The following MYO10 variants were observed in gnomAD, a reference collection of about 807,000 sequenced individuals.
The protein encoded by MYO10 is unconventional myosin-X.
In MYO10, 133 loss-of-function variants were observed where a neutral mutation model predicts 257.3. The ratio of observed to expected loss-of-function variants is 0.52; its 90% CI spans 0.45 to 0.60. The LOEUF is 0.60. Among genes scored for constraint, MYO10 ranks in the 20% least tolerant of loss-of-function variants. MYO10 has a pLI of 0.00. For synonymous variants in MYO10, 1,104 were observed against 1,028.6 expected, an observed-to-expected ratio of 1.07 and a Z score of -1.40; for missense variants, 2,399 against 2,635.7, an observed-to-expected ratio of 0.91 and a Z score of 1.97.
At chr5:16,778,404 A>G (rs901453974) in intron 9 of MYO10, among the ~76,000 whole-genome samples, 1 of 152,170 alleles carries the variant, frequency 6.6e-6, no homozygotes, top group African/African-American at 2.4e-5. Context: ...AACATGAGAC[A>G]GCCAAATGCT....
chr5:16,694,335 C>G (rs376574175), intron 27 of MYO10, 36 bp downstream of exon 27: 2 of 1,612,096 alleles, frequency 1.2e-6, no homozygotes, highest in African/African-American at 2.7e-5. Context: ...AAACCATGAG[C>G]AACCCATCGG....
At chr5:16,794,500 G>A in intron 4 of MYO10, 146 bp downstream of exon 4, 1 of 666,950 alleles carries the variant, frequency 1.5e-6, no homozygotes, top group Non-Finnish European at 2.3e-6. Context: ...AAGTTACCAT[G>A]CCATTCAAAA....
intron 3 of MYO10, among the ~76,000 whole-genome samples, chr5:16,804,148 A>AGCCTCATC (rs528988706): frequency 7.9e-4 from 121 of 152,280 alleles, no homozygotes; most frequent in African/African-American, 2.9e-3. Context: ...GGGCTCTGTC[A>AGCCTCATC]GCCTCATCAC....
intron 1 of MYO10, chr5:16,916,366 G>A (rs2126796394): frequency 7.2e-6 from 1 of 138,978 alleles, no homozygotes; most frequent in South Asian, 1.9e-4. Flanking sequence ...CCTCTAGAAA[G>A]ATGGCTCATT....
chr5:16,788,750 C>T (rs985831854), intron 4 of MYO10, among the ~76,000 whole-genome samples: 1 of 151,788 alleles, frequency 6.6e-6, no homozygotes, highest in African/African-American at 2.4e-5. Flanking sequence ...CCGTGGAGAG[C>T]CAGGAAGAAA....
Position 16,711,183 on chromosome 5 carries a change from C to T in MYO10, c.1992G>A (p.Glu664=), listed in dbSNP as rs1160254067. The change falls in exon 20 of 41, where the codon GAG becomes GAA. Residue 664 remains glutamate (E), a synonymous_variant. Coordinates refer to ENST00000513610, the MANE Select transcript of MYO10 (RefSeq NM_012334.3). ...ACCCAGCTTTGCGGATTCTCACAGT[C>T]TCCAGCATCCCTGAGTACCGCAGCT... The part of the protein sequence containing the change: ...LNQLRYSGML[E]TVRIRKAGYA... 6.2e-7 allele frequency: 1 copy of T among 1,613,638 alleles called. No homozygotes were observed. The highest frequency in any genetic ancestry group is 8.5e-7 in the Non-Finnish European group (1 of 1,179,770).
chr5:16,834,396 C>A (rs1467405658), intron 2 of MYO10, among the ~76,000 whole-genome samples: 1 of 152,132 alleles, frequency 6.6e-6, no homozygotes, highest in Non-Finnish European at 1.5e-5. Flanking sequence ...AGGGCAAGAG[C>A]AAATCCTGGT....
intron 37 of MYO10, 69 bp downstream of exon 37, chr5:16,672,620 C>G: frequency 6.3e-7 from 1 of 1,581,764 alleles, no homozygotes; most frequent in African/African-American, 1.3e-5. Flanking sequence ...ATGGGAAGCT[C>G]AAACCCTGAA....
At chr5:16,887,515 G>C (rs1036917536) in intron 1 of MYO10, among the ~76,000 whole-genome samples, 2 of 152,138 alleles carry the variant, frequency 1.3e-5, no homozygotes, top group African/African-American at 4.8e-5. Context: ...TTTTTAGATG[G>C]AGTCTAGCTC....
chr5:16,923,289 T>G (rs1381911732), intron 1 of MYO10, among the ~76,000 whole-genome samples: 2 of 151,682 alleles, frequency 1.3e-5, no homozygotes, highest in Non-Finnish European at 2.9e-5. Flanking sequence ...GGCACTAAAC[T>G]CTTCTTTTTT....
chr5:16,685,877 C>T (rs1479932134), intron 28 of MYO10, 46 bp from the exon 29 acceptor site: 2 of 1,471,726 alleles, frequency 1.4e-6, no homozygotes, highest in Admixed American at 1.9e-5. Context: ...CAACCTCGTA[C>T]TGGCAAAGCA....
At chr5:16,913,620 C>T (rs1249636721) in intron 1 of MYO10, among the ~76,000 whole-genome samples, 1 of 152,188 alleles carries the variant, frequency 6.6e-6, no homozygotes, top group Non-Finnish European at 1.5e-5. Context: ...TGCCTGCTTA[C>T]AGAAACACAG....
intron 9 of MYO10, among the ~76,000 whole-genome samples, chr5:16,778,857 ATTGT>A (rs1317311057): frequency 6.6e-6 from 1 of 151,810 alleles, no homozygotes; most frequent in Non-Finnish European, 1.5e-5. Context: ...CGCCCGGCTA[ATTGT>A]TTGTATTTTT....
Position 16,698,773 on chromosome 5 carries a change from G to A in MYO10, c.3556+677C>T, listed in dbSNP as rs181761153. On this transcript the variant is annotated intron_variant, in intron 26 of 40. Transcript: ENST00000513610. The stretch of plus-strand genomic sequence containing the variant: ...CAGGTAGCTGGCACTACAGGAGCCC[G>A]CCACCGCTCCCGGCTAATTTTTTGT... Among the ~76,000 whole-genome samples, 647 of 150,242 alleles carry A rather than the reference G, an allele frequency of 4.3e-3. 5 individuals carry two copies. The highest frequency in any genetic ancestry group is 6.7e-3 in the Non-Finnish European group (457 of 67,988).
At chr5:16,877,967 T>C (rs1296868294) in intron 1 of MYO10, among the ~76,000 whole-genome samples, 9 of 152,166 alleles carry the variant, frequency 5.9e-5, no homozygotes, top group Non-Finnish European at 1.3e-4. Context: ...GTTCTCACCA[T>C]GCAACTGATT....
At chr5:16,862,680 C>T (rs192800416) in intron 2 of MYO10, among the ~76,000 whole-genome samples, 9 of 152,270 alleles carry the variant, frequency 5.9e-5, no homozygotes, top group East Asian at 3.9e-4. Flanking sequence ...ACTGCCTGGT[C>T]GGAGCTTAGC....
At chr5:16,711,934 T>C (rs1738639415) in intron 19 of MYO10, among the ~76,000 whole-genome samples, 1 of 152,194 alleles carries the variant, frequency 6.6e-6, no homozygotes, top group Non-Finnish European at 1.5e-5. Context: ...TTTCTGGCTG[T>C]ATCACAAATA....
At chr5:16,718,754 A>G (rs542208019) in intron 19 of MYO10, among the ~76,000 whole-genome samples, 30 of 152,038 alleles carry the variant, frequency 2.0e-4, no homozygotes, top group Admixed American at 1.0e-3. Flanking sequence ...AAATACACCA[A>G]TCGGCACCCT....
chr5:16,766,770 C>CTTT (rs575636664), intron 10 of MYO10, among the ~76,000 whole-genome samples: 2 of 127,398 alleles, frequency 1.6e-5, no homozygotes, highest in East Asian at 2.3e-4. Flanking sequence ...CACCTACTTT[C>CTTT]TTTTTTTTTT....
Sources: gnomAD v4.1 joint callset for allele counts (sites outside exome capture counted in the v4.1 genomes callset) on GRCh38, gnomAD v4.1.1 for gene constraint, MANE v1.5 for transcripts, NCBI Gene and HGNC (gene_info 2026-07-23, HGNC 2026-07-21) for gene names.